The following ZBTB20 variants were observed in gnomAD, a reference collection of about 807,000 sequenced individuals.
ZBTB20 encodes the protein zinc finger and BTB domain containing 20, also known as zinc finger and BTB domain-containing protein 20.
ZBTB20 carries 9 observed loss-of-function variants against 56.9 expected under a neutral mutation model. That is an observed-to-expected ratio of 0.16 (90% CI 0.10 to 0.28). The LOEUF (loss-of-function observed/expected upper bound fraction) is 0.28. Ranked by LOEUF, ZBTB20 falls within the 10% of genes least tolerant of loss-of-function variation. ZBTB20 has a pLI of 1.00. For synonymous variants in ZBTB20, 417 were observed against 420.7 expected (o/e 0.99, Z 0.11); for missense variants, 655 against 1,003.0 (o/e 0.65, Z 4.69).
intron 5 of ZBTB20, among the ~76,000 whole-genome samples, chr3:114,786,723 A>G (rs190103358): frequency 1.2e-3 from 177 of 152,172 alleles, no homozygotes; most frequent in African/African-American, 4.0e-3. Context: ...GCTAAAAGAA[A>G]AAAAGTATTT....
At chr3:115,138,205 G>A (rs924631652) in intron 1 of ZBTB20, among the ~76,000 whole-genome samples, 3 of 151,966 alleles carry the variant, frequency 2.0e-5, no homozygotes, top group Non-Finnish European at 4.4e-5. Context: ...TACCTTCCCA[G>A]AACTTTCAGT....
intron 4 of ZBTB20, among the ~76,000 whole-genome samples, chr3:114,891,939 C>T (rs1378850288): frequency 2.0e-5 from 3 of 151,520 alleles, no homozygotes; most frequent in African/African-American, 7.3e-5. Context: ...CCCAGCTACT[C>T]GGAAGGCTGA....
chr3:114,923,320 T>A (rs538360113), intron 3 of ZBTB20, among the ~76,000 whole-genome samples: 1 of 152,328 alleles, frequency 6.6e-6, no homozygotes, highest in South Asian at 2.1e-4. Context: ...GATTTCAATT[T>A]GTCTTACGAA....
At chr3:115,124,505 C>T (rs2084270552) in intron 1 of ZBTB20, among the ~76,000 whole-genome samples, 1 of 152,064 alleles carries the variant, frequency 6.6e-6, no homozygotes, top group African/African-American at 2.4e-5. Flanking sequence ...TAAAATTTAG[C>T]TTGGGGAGGA....
intron 6 of ZBTB20, among the ~76,000 whole-genome samples, chr3:114,571,136 T>C (rs1225178963): frequency 6.6e-6 from 1 of 152,184 alleles, no homozygotes; most frequent in Non-Finnish European, 1.5e-5. Context: ...TACCCCTCAC[T>C]AATTTGATTT....
intron 5 of ZBTB20, among the ~76,000 whole-genome samples, chr3:114,761,864 A>G (rs1338204559): frequency 6.6e-6 from 1 of 152,028 alleles, no homozygotes; most frequent in Non-Finnish European, 1.5e-5. Context: ...AAGAAAGAAA[A>G]TGATATGCTT....
chr3:114,918,665 A>T (rs781237073), intron 3 of ZBTB20, among the ~76,000 whole-genome samples: 1 of 152,196 alleles, frequency 6.6e-6, no homozygotes, highest in Non-Finnish European at 1.5e-5. Flanking sequence ...GTTATCTGGA[A>T]GCTAGTGCCT....
intron 6 of ZBTB20, among the ~76,000 whole-genome samples, chr3:114,641,972 C>G (rs2059586537): frequency 6.6e-6 from 1 of 151,872 alleles, no homozygotes; most frequent in Non-Finnish European, 1.5e-5. Context: ...AGGGCTAATC[C>G]TGTTATGCAT....
intron 2 of ZBTB20, among the ~76,000 whole-genome samples, chr3:115,067,867 G>C (rs976063563): frequency 1.3e-5 from 2 of 152,088 alleles, no homozygotes; most frequent in Non-Finnish European, 2.9e-5. Flanking sequence ...AATAGTGGTG[G>C]ATTAACCCAT....
intron 3 of ZBTB20, among the ~76,000 whole-genome samples, chr3:114,963,140 G>C (rs963117038): frequency 9.2e-5 from 14 of 151,568 alleles, no homozygotes; most frequent in Non-Finnish European, 1.8e-4. Context: ...TATGAATATA[G>C]CCCTTCTTGA....
chr3:114,364,780 C>T (rs2082231637), intron 10 of ZBTB20, among the ~76,000 whole-genome samples: 1 of 152,168 alleles, frequency 6.6e-6, no homozygotes, highest in Admixed American at 6.5e-5. Flanking sequence ...ATAGTATTAT[C>T]CAACTGATTA....
chr3:114,488,098 T>A, intron 7 of ZBTB20, among the ~76,000 whole-genome samples: 1 of 152,184 alleles, frequency 6.6e-6, no homozygotes, highest in Non-Finnish European at 1.5e-5. Context: ...TAAACATAAA[T>A]GTATGTAACC....
intron 3 of ZBTB20, among the ~76,000 whole-genome samples, chr3:114,916,754 T>C (rs2107735241): frequency 6.6e-6 from 1 of 152,312 alleles, no homozygotes; most frequent in South Asian, 2.1e-4. Context: ...CTGAAGAGTC[T>C]GATGCCAGAT....
At chr3:115,076,239 G>A (rs192337388) in intron 1 of ZBTB20, among the ~76,000 whole-genome samples, 6 of 152,220 alleles carry the variant, frequency 3.9e-5, no homozygotes, top group Admixed American at 3.9e-4. Flanking sequence ...CAAATACCAT[G>A]AATAGCCAAA....
At chr3:114,764,816 C>T (rs2068676694) in intron 5 of ZBTB20, among the ~76,000 whole-genome samples, 1 of 152,060 alleles carries the variant, frequency 6.6e-6, no homozygotes, top group South Asian at 2.1e-4. Flanking sequence ...CTCAAGTTAA[C>T]ATAGTCAAAA....
At chr3:114,539,705 T>C (rs1367462088) in intron 6 of ZBTB20, among the ~76,000 whole-genome samples, 1 of 152,116 alleles carries the variant, frequency 6.6e-6, no homozygotes, top group East Asian at 1.9e-4. Context: ...TGTCATATTC[T>C]GTTTTTATCT....
intron 2 of ZBTB20, among the ~76,000 whole-genome samples, chr3:114,984,184 T>C (rs376296650): frequency 6.6e-6 from 1 of 152,036 alleles, no homozygotes; most frequent in African/African-American, 2.4e-5. Flanking sequence ...GGGTTTAGGA[T>C]GTCTCTTTTC....
At chr3:114,849,560 T>C (rs2074890837) in intron 4 of ZBTB20, among the ~76,000 whole-genome samples, 1 of 152,260 alleles carries the variant, frequency 6.6e-6, no homozygotes, top group Non-Finnish European at 1.5e-5. Flanking sequence ...TGACAGTTGA[T>C]ATTTATACAC....
At chr3:114,848,503 C>G (rs1001530072) in intron 4 of ZBTB20, among the ~76,000 whole-genome samples, 1 of 152,140 alleles carries the variant, frequency 6.6e-6, no homozygotes, top group African/African-American at 2.4e-5. Flanking sequence ...TACAATAGCT[C>G]TCGTCCAAAC....
Sources: gnomAD v4.1 joint callset for allele counts (sites outside exome capture counted in the v4.1 genomes callset) on GRCh38, gnomAD v4.1.1 for gene constraint, MANE v1.5 for transcripts, NCBI Gene and HGNC (gene_info 2026-07-23, HGNC 2026-07-21) for gene names.